The following TMTC1 variants were observed in gnomAD, a reference collection of about 807,000 sequenced individuals.
The protein encoded by TMTC1 is protein O-mannosyl-transferase TMTC1.
A neutral mutation model predicts 104.8 loss-of-function variants in TMTC1; 73 were observed. That is an observed-to-expected ratio of 0.70 (90% CI 0.58 to 0.85). The LOEUF (loss-of-function observed/expected upper bound fraction) is 0.85, where lower values mean the gene tolerates loss of function less well. Among genes scored for constraint, TMTC1 ranks in the 40% least tolerant of loss-of-function variants. The pLI is 0.00. For synonymous variants in TMTC1, 434 were observed against 428.7 expected, an observed-to-expected ratio of 1.01 and a Z score of -0.15; for missense variants, 1,035 against 1,096.1, an observed-to-expected ratio of 0.94 and a Z score of 0.79.
At chr12:29,651,844 G>A (rs962613196) in intron 5 of TMTC1, among the ~76,000 whole-genome samples, 3 of 150,476 alleles carry the variant, frequency 2.0e-5, no homozygotes, top group Non-Finnish European at 4.4e-5. Flanking sequence ...AACAGAAAAT[G>A]AAGAACAAAA....
intron 5 of TMTC1, among the ~76,000 whole-genome samples, chr12:29,711,177 A>C (rs1220119819): frequency 2.0e-5 from 3 of 151,562 alleles, no homozygotes; most frequent in Non-Finnish European, 4.4e-5. Context: ...ACAGGGTCTC[A>C]CTGTGTGCCC....
chr12:29,625,670 A>G (rs1396181261), intron 6 of TMTC1, among the ~76,000 whole-genome samples: 1 of 152,204 alleles, frequency 6.6e-6, no homozygotes, highest in Non-Finnish European at 1.5e-5. Context: ...TTCACAGAGG[A>G]AGTTTCCATT....
At chr12:29,726,267 G>A (rs985874424) in intron 5 of TMTC1, among the ~76,000 whole-genome samples, 92 of 152,278 alleles carry the variant, frequency 6.0e-4, no homozygotes, top group African/African-American at 2.0e-3. Flanking sequence ...GTTTCTGCCT[G>A]TGCAATGTCT....
chr12:29,742,554 T>C (rs932171645), intron 5 of TMTC1, among the ~76,000 whole-genome samples: 1 of 152,158 alleles, frequency 6.6e-6, no homozygotes, highest in Non-Finnish European at 1.5e-5. Context: ...GACTATAAGG[T>C]CATCTATCTA....
intron 13 of TMTC1, among the ~76,000 whole-genome samples, chr12:29,517,960 C>T (rs1944038765): frequency 6.6e-6 from 1 of 152,124 alleles, no homozygotes; most frequent in African/African-American, 2.4e-5. Context: ...GGTGATTCGA[C>T]CATCTTGGCC....
intron 11 of TMTC1, chr12:29,533,758 T>C (rs1029725604): frequency 8.5e-5 from 13 of 152,078 alleles, no homozygotes; most frequent in African/African-American, 3.1e-4. Flanking sequence ...GAAATGGTAG[T>C]CAATACACTG....
At position 29,696,554 on chromosome 12, in the gene TMTC1, G is replaced by A. The variant is rs933035344; in HGVS notation, c.938+55112C>T. Reference sequence around the variant, plus strand: ...AATCTTTTGCTCTGGAAAGATTTGAGGCAACATTAACAATACCAATGTTAT... The same window carrying A: ...AATCTTTTGCTCTGGAAAGATTTGAAGCAACATTAACAATACCAATGTTAT... On this transcript the variant is annotated intron_variant, in intron 5 of 17. Coordinates refer to ENST00000539277, the MANE Select transcript of TMTC1 (RefSeq NM_001193451.2). 2.0e-5 allele frequency among the ~76,000 whole-genome samples: 3 copies of A among 152,046 alleles called. 1 individual carries two copies. Among genetic ancestry groups the A allele is most frequent in the African/African-American group, 7.2e-5 (3 of 41,406 alleles).
intron 10 of TMTC1, among the ~76,000 whole-genome samples, chr12:29,549,469 C>G (rs942019344): frequency 6.6e-6 from 1 of 151,910 alleles, no homozygotes; most frequent in African/African-American, 2.4e-5. Flanking sequence ...TATAAGAGCA[C>G]ATAAAATTGT....
intron 1 of TMTC1, among the ~76,000 whole-genome samples, chr12:29,770,063 C>G (rs935265978): frequency 6.6e-6 from 1 of 151,738 alleles, no homozygotes; most frequent in Non-Finnish European, 1.5e-5. Flanking sequence ...CAAGCCAAAT[C>G]CTTGATAAAT....
In TMTC1 at chr12:29,611,365, A is replaced by T. The variant is rs138903132; in HGVS notation, c.1129-7066T>A. 6.1e-4 allele frequency among the ~76,000 whole-genome samples: 93 copies of T among 152,238 alleles called. 1 individual carries two copies. The highest frequency in any genetic ancestry group is 2.0e-3 in the African/African-American group (83 of 41,536). On this transcript the variant is annotated intron_variant, in intron 6 of 17. Transcript: ENST00000539277. ...CTTTACTCTAATTGAGAATAAACTA[A>T]TTTCTAACTTTACTTGGAAATGTAA... is the stretch of plus-strand genomic sequence containing the variant.
At chr12:29,703,143 C>CA (rs201319751) in intron 5 of TMTC1, among the ~76,000 whole-genome samples, 5,423 of 75,360 alleles carry the variant, frequency 0.072, 390 homozygotes, top group East Asian at 0.4. Flanking sequence ...GACTCAGTCT[C>CA]AAAAAAAAAA....
At chr12:29,538,225 C>T (rs1944698285) in intron 10 of TMTC1, among the ~76,000 whole-genome samples, 2 of 152,118 alleles carry the variant, frequency 1.3e-5, no homozygotes, top group South Asian at 4.1e-4. Flanking sequence ...TAAAGAGTAC[C>T]CACAAGACTC....
chr12:29,715,977 G>A (rs776403041), intron 5 of TMTC1, among the ~76,000 whole-genome samples: 15 of 143,572 alleles, frequency 1.0e-4, no homozygotes, highest in Non-Finnish European at 2.0e-4. Context: ...TTGGGACACA[G>A]CCAAACTCAG....
intron 6 of TMTC1, among the ~76,000 whole-genome samples, chr12:29,631,335 A>G (rs539683487): frequency 6.6e-6 from 1 of 152,342 alleles, no homozygotes; most frequent in African/African-American, 2.4e-5. Flanking sequence ...TCAAATTCAC[A>G]AAGATTTTCT....
At chr12:29,737,299 A>G (rs1942703829) in intron 5 of TMTC1, among the ~76,000 whole-genome samples, 1 of 152,100 alleles carries the variant, frequency 6.6e-6, no homozygotes, top group Non-Finnish European at 1.5e-5. Flanking sequence ...CGGGCGGATC[A>G]CTTGAGGTCC....
rs1488404291 is a variant in TMTC1, at chr12:29,746,168, T to G, written c.938+5498A>C. Among the ~76,000 whole-genome samples the G allele has an allele frequency of 2.6e-5, 4 of 152,338 alleles. 1 individual carries two copies. The East Asian group carries it at 7.7e-4, about 29-fold the overall frequency. ...GGATGTGGGATTTATTAAAAAAATATGAACCTAGAAACTTCACTTTTAACT... is the reference window on the plus strand; with the variant it reads ...GGATGTGGGATTTATTAAAAAAATAGGAACCTAGAAACTTCACTTTTAACT... On this transcript the variant is annotated intron_variant, in intron 5 of 17. Coordinates refer to ENST00000539277, the MANE Select transcript of TMTC1 (RefSeq NM_001193451.2).
At chr12:29,778,451 T>TA (rs141774640) in intron 1 of TMTC1, among the ~76,000 whole-genome samples, 1,608 of 152,326 alleles carry the variant, frequency 0.011, 39 homozygotes, top group African/African-American at 0.036. Flanking sequence ...ATGGACATCA[T>TA]AGAGTTTGGT....
intron 7 of TMTC1, among the ~76,000 whole-genome samples, chr12:29,593,804 A>C (rs1378517798): frequency 6.6e-6 from 1 of 152,258 alleles, no homozygotes; most frequent in Non-Finnish European, 1.5e-5. Flanking sequence ...TAAAAGTATT[A>C]ACTGTTTGGA....
At chr12:29,558,699 G>A (rs1189590484) in intron 9 of TMTC1, among the ~76,000 whole-genome samples, 1 of 152,158 alleles carries the variant, frequency 6.6e-6, no homozygotes, top group African/African-American at 2.4e-5. Flanking sequence ...CAGCACACGC[G>A]CTGTTGTTTG....
Sources: allele counts gnomAD v4.1 joint callset (sites outside exome capture counted in the v4.1 genomes callset), GRCh38; gene constraint gnomAD v4.1.1; transcripts MANE v1.5; gene names NCBI Gene and HGNC (gene_info 2026-07-23, HGNC 2026-07-21).